The following GRIK1 variants were observed in gnomAD, a reference collection of about 807,000 sequenced individuals.
GRIK1 encodes the protein glutamate receptor ionotropic, kainate 1.
In GRIK1, 69 loss-of-function variants were observed where a neutral mutation model predicts 105.7. The observed-to-expected ratio is 0.65, with a 90% CI of 0.54 to 0.80. The LOEUF (loss-of-function observed/expected upper bound fraction) is 0.80. Ranked by LOEUF, GRIK1 falls within the 30% of genes least tolerant of loss-of-function variation. The pLI is 0.00. For synonymous variants in GRIK1, 438 were observed against 431.3 expected (o/e 1.02, Z -0.19); for missense variants, 1,109 against 1,167.3 (o/e 0.95, Z 0.73).
intron 1 of GRIK1, among the ~76,000 whole-genome samples, chr21:29,893,435 A>C (rs990295754): frequency 2.0e-5 from 3 of 152,226 alleles, no homozygotes; most frequent in Admixed American, 1.3e-4. Flanking sequence ...TTTAATACCC[A>C]ACTCTACTAC....
At chr21:29,593,530 G>A (rs2146299055) in intron 9 of GRIK1, among the ~76,000 whole-genome samples, 1 of 152,286 alleles carries the variant, frequency 6.6e-6, no homozygotes, top group South Asian at 2.1e-4. Context: ...ATCCAAGGCT[G>A]TGCTTTAGGT....
chr21:29,758,657 G>A (rs184561743), intron 1 of GRIK1, among the ~76,000 whole-genome samples: 1 of 152,326 alleles, frequency 6.6e-6, no homozygotes, highest in East Asian at 1.9e-4. Context: ...GGAAGGGATT[G>A]CCACAAAACA....
chr21:29,726,273 G>A (rs533108657), intron 1 of GRIK1, among the ~76,000 whole-genome samples: 1 of 152,268 alleles, frequency 6.6e-6, no homozygotes, highest in South Asian at 2.1e-4. Flanking sequence ...CATTCTTGAT[G>A]TATTTTTAGG....
intron 3 of GRIK1, among the ~76,000 whole-genome samples, chr21:29,680,184 G>C (rs2063344108): frequency 6.6e-6 from 1 of 152,162 alleles, no homozygotes; most frequent in South Asian, 2.1e-4. Flanking sequence ...ATGCAGTTGA[G>C]AATATCCATG....
intron 1 of GRIK1, among the ~76,000 whole-genome samples, chr21:29,734,535 G>A (rs1050307706): frequency 3.3e-5 from 5 of 151,916 alleles, no homozygotes; most frequent in African/African-American, 1.2e-4. Flanking sequence ...GGGTAGTTGG[G>A]ACTATAGCCA....
chr21:29,834,220 C>T (rs2067717489), intron 1 of GRIK1, among the ~76,000 whole-genome samples: 2 of 151,108 alleles, frequency 1.3e-5, no homozygotes, highest in Non-Finnish European at 2.9e-5. Flanking sequence ...ATTTTTACTA[C>T]CCTCGGTTGC....
At chr21:29,808,323 T>C (rs746186010) in intron 1 of GRIK1, among the ~76,000 whole-genome samples, 14 of 152,116 alleles carry the variant, frequency 9.2e-5, no homozygotes, top group Admixed American at 6.6e-5. Context: ...ACCGAATAGC[T>C]GGAAATAAAT....
intron 1 of GRIK1, among the ~76,000 whole-genome samples, chr21:29,783,574 C>A (rs373468276): frequency 9.5e-4 from 144 of 152,096 alleles, no homozygotes; most frequent in South Asian, 6.2e-3. Context: ...TATTTTTTAG[C>A]ATTAAAATTT....
At chr21:29,751,912 C>T (rs1445043437) in intron 1 of GRIK1, among the ~76,000 whole-genome samples, 1 of 152,222 alleles carries the variant, frequency 6.6e-6, no homozygotes, top group Non-Finnish European at 1.5e-5. Context: ...GCCTGTAACA[C>T]ATTCACAAAG....
At chr21:29,549,093 C>T (rs887183102) in intron 16 of GRIK1, among the ~76,000 whole-genome samples, 3 of 152,246 alleles carry the variant, frequency 2.0e-5, no homozygotes, top group Admixed American at 6.5e-5. Flanking sequence ...TCTTGAACTC[C>T]TGGGCTTACA....
chr21:29,611,302 C>T (rs2061724875), intron 7 of GRIK1, among the ~76,000 whole-genome samples: 1 of 152,040 alleles, frequency 6.6e-6, no homozygotes, highest in African/African-American at 2.4e-5. Flanking sequence ...AGAAGATGAC[C>T]TCAAAGGTTA....
At chr21:29,619,159 T>C (rs560878354) in intron 7 of GRIK1, among the ~76,000 whole-genome samples, 18 of 130,842 alleles carry the variant, frequency 1.4e-4, no homozygotes, top group South Asian at 1.2e-3. Flanking sequence ...ATACAATGGG[T>C]TGGGCACGAT....
intron 1 of GRIK1, among the ~76,000 whole-genome samples, chr21:29,821,369 A>G (rs1429254048): frequency 1.3e-5 from 2 of 152,218 alleles, no homozygotes; most frequent in East Asian, 1.9e-4. Flanking sequence ...AAGCAATTCA[A>G]CTTTTTCTTG....
At chr21:29,764,410 C>T (rs1454222020) in intron 1 of GRIK1, among the ~76,000 whole-genome samples, 1 of 152,148 alleles carries the variant, frequency 6.6e-6, no homozygotes, top group Non-Finnish European at 1.5e-5. Context: ...TGTCTCTAGG[C>T]AGAGTTAATT....
intron 1 of GRIK1, among the ~76,000 whole-genome samples, chr21:29,702,602 T>C (rs1046409450): frequency 1.3e-5 from 2 of 152,040 alleles, no homozygotes; most frequent in African/African-American, 2.4e-5. Flanking sequence ...TCCCAGCCAC[T>C]CAGGAAGCTG....
chr21:29,648,068 T>C (rs564032579), intron 6 of GRIK1, among the ~76,000 whole-genome samples: 1 of 152,344 alleles, frequency 6.6e-6, no homozygotes, highest in South Asian at 2.1e-4. Flanking sequence ...TGAGGATTTT[T>C]AGTGTATGAA....
intron 1 of GRIK1, among the ~76,000 whole-genome samples, chr21:29,877,654 G>A (rs2069240639): frequency 6.6e-6 from 1 of 152,112 alleles, no homozygotes; most frequent in Admixed American, 6.6e-5. Context: ...ATTCTTTTAT[G>A]TTGTCAGTAT....
chr21:29,567,733 A>G (rs964659585), intron 14 of GRIK1, among the ~76,000 whole-genome samples: 5 of 152,204 alleles, frequency 3.3e-5, no homozygotes, highest in Admixed American at 2.0e-4. Context: ...TACTTGCGAA[A>G]TAGGTACATC....
At chr21:29,675,287 A>G (rs1405423947) in intron 3 of GRIK1, among the ~76,000 whole-genome samples, 1 of 152,136 alleles carries the variant, frequency 6.6e-6, no homozygotes, top group Non-Finnish European at 1.5e-5. Flanking sequence ...CTTGTTGATG[A>G]GATGGGGAAA....
Sources: gnomAD v4.1 joint callset for allele counts (sites outside exome capture counted in the v4.1 genomes callset) on GRCh38, gnomAD v4.1.1 for gene constraint, MANE v1.5 for transcripts, NCBI Gene and HGNC (gene_info 2026-07-23, HGNC 2026-07-21) for gene names.